TUSC3: variants seen among roughly 807,000 people sequenced by gnomAD.
The protein encoded by TUSC3 is tumor suppressor candidate 3, also known as dolichyl-diphosphooligosaccharide--protein glycosyltransferase subunit TUSC3.
In TUSC3, 45 loss-of-function variants were observed where a neutral mutation model predicts 44.8. The observed-to-expected ratio is 1.00, with a 90% CI of 0.79 to 1.29. TUSC3 has a LOEUF of 1.29. Ranked by LOEUF, TUSC3 falls within the 50% of genes most tolerant of loss-of-function variation. The probability of loss-of-function intolerance (pLI) is 0.00; values close to 1 mark genes in which losing one functional copy is unlikely to be tolerated. For synonymous variants in TUSC3, 212 were observed against 152.9 expected (o/e 1.39, Z -2.85); for missense variants, 519 against 437.9 (o/e 1.19, Z -1.65).
At chr8:15,706,057 A>G (rs1223047041) in intron 6 of TUSC3, among the ~76,000 whole-genome samples, 2 of 152,132 alleles carry the variant, frequency 1.3e-5, no homozygotes, top group African/African-American at 4.8e-5. Flanking sequence ...TCTGACAAAA[A>G]CAGTTACCCT....
intron 1 of TUSC3, among the ~76,000 whole-genome samples, chr8:15,427,231 T>C (rs1346191722): frequency 6.7e-6 from 1 of 149,770 alleles, no homozygotes; most frequent in Non-Finnish European, 1.5e-5. Context: ...GGTTTTTCCT[T>C]TTTTTTTTTT....
At chr8:15,496,235 A>G (rs761142005) in intron 2 of TUSC3, among the ~76,000 whole-genome samples, 27 of 152,188 alleles carry the variant, frequency 1.8e-4, no homozygotes, top group Admixed American at 2.0e-4. Context: ...CAGCATATCC[A>G]TTCCAGCATA....
At chr8:15,799,083 T>C in the TUSC3 span, among the ~76,000 whole-genome samples, 1 of 152,142 alleles carries the variant, frequency 6.6e-6, no homozygotes, top group African/African-American at 2.4e-5. Flanking sequence ...TGCTCCCTTA[T>C]AGCAGCCAGG....
chr8:15,795,003 A>G, the TUSC3 span, among the ~76,000 whole-genome samples: 173 of 152,270 alleles, frequency 1.1e-3, no homozygotes, highest in African/African-American at 4.0e-3. Context: ...TGAATTTTCC[A>G]TGAGTATGCC....
chr8:15,482,888 C>T (rs1057081134), intron 1 of TUSC3, among the ~76,000 whole-genome samples: 2 of 152,046 alleles, frequency 1.3e-5, no homozygotes, highest in Admixed American at 6.6e-5. Flanking sequence ...TCTCATGTGT[C>T]CCAGAATTAG....
At chr8:15,783,663 T>C in the TUSC3 span, among the ~76,000 whole-genome samples, 2 of 152,058 alleles carry the variant, frequency 1.3e-5, no homozygotes, top group East Asian at 3.8e-4. Flanking sequence ...GGGGAAACTA[T>C]AGAGGAATGA....
chr8:15,657,047 A>G (rs1442377127), intron 3 of TUSC3, among the ~76,000 whole-genome samples: 8 of 152,124 alleles, frequency 5.3e-5, no homozygotes, highest in Non-Finnish European at 7.3e-5. Flanking sequence ...CGTCCCATAG[A>G]TACCCCAGGT....
intron 1 of TUSC3, among the ~76,000 whole-genome samples, chr8:15,599,602 T>C (rs1299435775): frequency 6.6e-6 from 1 of 151,650 alleles, no homozygotes; most frequent in African/African-American, 2.4e-5. Context: ...TTAACTTTTG[T>C]GAGGGGTGTA....
intron 1 of TUSC3, 146 bp downstream of exon 1, chr8:15,540,714 G>C (rs1422654255): frequency 3.4e-6 from 4 of 1,163,124 alleles, no homozygotes; most frequent in Non-Finnish European, 4.7e-6. Flanking sequence ...GAGGGTGGGA[G>C]GCCCTGGGGC....
chr8:15,645,230 G>A (rs1806570451), intron 2 of TUSC3, among the ~76,000 whole-genome samples: 1 of 152,040 alleles, frequency 6.6e-6, no homozygotes, highest in Admixed American at 6.6e-5. Flanking sequence ...CACAATAAAA[G>A]CTGGGTCCTA....
At position 15,639,071 on chromosome 8, in the gene TUSC3, C is replaced by G. The variant is rs563960162; in HGVS notation, c.309-11626C>G. Among the ~76,000 whole-genome samples, 5 of 146,670 alleles carry G rather than the reference C, an allele frequency of 3.4e-5. No individual in the cohort carries two copies. The East Asian group carries it at 1.0e-3, about 30-fold the overall frequency. On this transcript the variant is annotated intron_variant, in intron 2 of 10. Transcript: ENST00000503731. ...CTCCAGTGATGATCATGTGCTGATG[C>G]TCGATCACGTGATGTTCAGGGCTTC... is the stretch of plus-strand genomic sequence containing the variant.
intron 1 of TUSC3, among the ~76,000 whole-genome samples, chr8:15,451,969 C>A (rs949856700): frequency 1.3e-5 from 2 of 152,022 alleles, no homozygotes; most frequent in African/African-American, 2.4e-5. Context: ...TAATGTGAGG[C>A]CTTTCCACAT....
chr8:15,719,118 G>A (rs534772427), intron 6 of TUSC3, among the ~76,000 whole-genome samples: 39 of 152,120 alleles, frequency 2.6e-4, no homozygotes, highest in Middle Eastern at 3.4e-3. Flanking sequence ...CTTCGTTATA[G>A]TCTGTTCTTG....
intron 7 of TUSC3, among the ~76,000 whole-genome samples, chr8:15,735,690 G>GATTT (rs1180316809): frequency 1.3e-5 from 2 of 151,864 alleles, no homozygotes; most frequent in African/African-American, 4.8e-5. Context: ...TGGATATGTT[G>GATTT]ATTTATTTTT....
chr8:15,593,756 C>T (rs1364944376), intron 1 of TUSC3, among the ~76,000 whole-genome samples: 2 of 152,020 alleles, frequency 1.3e-5, no homozygotes, highest in South Asian at 2.1e-4. Flanking sequence ...TTTCTACATC[C>T]AAGATCCTTT....
intron 1 of TUSC3, among the ~76,000 whole-genome samples, chr8:15,451,451 T>G (rs1327909205): frequency 6.6e-6 from 1 of 152,104 alleles, no homozygotes; most frequent in Non-Finnish European, 1.5e-5. Context: ...ATTTAACCAA[T>G]CATGGCTACA....
intron 7 of TUSC3, among the ~76,000 whole-genome samples, chr8:15,737,657 C>T (rs1434375146): frequency 6.6e-6 from 1 of 152,050 alleles, no homozygotes; most frequent in Non-Finnish European, 1.5e-5. Flanking sequence ...TCTTTTAATG[C>T]TGGGATATTC....
chr8:15,776,272 T>A, the TUSC3 span, among the ~76,000 whole-genome samples: 3 of 152,152 alleles, frequency 2.0e-5, no homozygotes, highest in Non-Finnish European at 4.4e-5. Context: ...GTTTTTATTT[T>A]TTTCCTGTGG....
At chr8:15,544,007 A>G (rs573837185) in intron 1 of TUSC3, among the ~76,000 whole-genome samples, 4 of 152,212 alleles carry the variant, frequency 2.6e-5, no homozygotes, top group African/African-American at 9.6e-5. Context: ...ATTAAAAACA[A>G]TGTTTTGTTA....
Sources: allele counts gnomAD v4.1 joint callset (sites outside exome capture counted in the v4.1 genomes callset), GRCh38; gene constraint gnomAD v4.1.1; transcripts MANE v1.5; gene names NCBI Gene and HGNC (gene_info 2026-07-23, HGNC 2026-07-21).